SCAI: variants seen among roughly 807,000 people sequenced by gnomAD.
SCAI encodes the protein protein SCAI.
SCAI carries 24 observed loss-of-function variants against 92.2 expected under a neutral mutation model. That is an observed-to-expected ratio of 0.26 (90% confidence interval 0.19 to 0.37). The LOEUF is 0.37. SCAI is among the 10% of genes least tolerant of loss of function. The pLI is 1.00. For missense variants in SCAI, 450 were observed against 736.2 expected, an observed-to-expected ratio of 0.61 and a Z score of 4.50; for synonymous variants, 261 against 258.6, an observed-to-expected ratio of 1.01 and a Z score of -0.09.
chr9:125,057,679 A>C (rs2131139601), intron 2 of SCAI, among the ~76,000 whole-genome samples: 1 of 152,242 alleles, frequency 6.6e-6, no homozygotes, highest in South Asian at 2.1e-4. Context: ...AGTGTGGAGG[A>C]GGAGGAGGGC....
chr9:125,072,111 C>A (rs1455493177), intron 2 of SCAI, among the ~76,000 whole-genome samples: 2 of 151,756 alleles, frequency 1.3e-5, no homozygotes, highest in Non-Finnish European at 2.9e-5. Flanking sequence ...GCAACCTCTG[C>A]CTCCCAGGTT....
intron 2 of SCAI, among the ~76,000 whole-genome samples, chr9:125,108,337 G>A (rs1459521114): frequency 6.6e-6 from 1 of 151,222 alleles, no homozygotes; most frequent in African/African-American, 2.4e-5. Context: ...TGCCCAGTCT[G>A]GGAAGTGAGG....
chr9:124,967,957 T>C (rs777155498), intron 17 of SCAI, among the ~76,000 whole-genome samples: 13 of 152,172 alleles, frequency 8.5e-5, no homozygotes, highest in East Asian at 1.9e-4. Flanking sequence ...GAATGAAGAG[T>C]GAAGACAATT....
At chr9:125,064,399 A>G (rs75438856) in intron 2 of SCAI, among the ~76,000 whole-genome samples, 1,907 of 152,288 alleles carry the variant, frequency 0.013, 99 homozygotes, top group Admixed American at 0.082. Flanking sequence ...ATTAATACTA[A>G]TTCTCATACT....
intron 2 of SCAI, among the ~76,000 whole-genome samples, chr9:125,099,212 G>A (rs1216626078): frequency 2.0e-5 from 3 of 151,804 alleles, no homozygotes; most frequent in African/African-American, 7.3e-5. Flanking sequence ...AAATATATAT[G>A]CAGATACTTC....
chr9:124,978,250 G>A (rs1464407598), intron 14 of SCAI, among the ~76,000 whole-genome samples: 1 of 152,156 alleles, frequency 6.6e-6, no homozygotes, highest in African/African-American at 2.4e-5. Flanking sequence ...AGACCAGCCT[G>A]GCCAACATAA....
At chr9:125,009,617 T>C (rs1832588690) in intron 9 of SCAI, among the ~76,000 whole-genome samples, 1 of 152,014 alleles carries the variant, frequency 6.6e-6, no homozygotes, top group African/African-American at 2.4e-5. Context: ...AAGAGCATAG[T>C]GGCTCACACC....
intron 17 of SCAI, among the ~76,000 whole-genome samples, chr9:124,961,606 C>T (rs1035694925): frequency 2.0e-5 from 3 of 148,910 alleles, no homozygotes; most frequent in South Asian, 2.1e-4. Flanking sequence ...GCAGTGATCA[C>T]GCCATTGTAC....
intron 2 of SCAI, among the ~76,000 whole-genome samples, chr9:125,115,241 G>A (rs1588235884): frequency 6.6e-6 from 1 of 151,796 alleles, no homozygotes; most frequent in African/African-American, 2.4e-5. Flanking sequence ...GCGTGGTGGT[G>A]GGCACCTGTA....
Position 124,952,267 on chromosome 9 carries a change from G to A in SCAI, c.*540C>T, listed in dbSNP as rs1009232854. The A allele has an allele frequency of 6.6e-6, 1 of 152,126 alleles. No individual in the cohort carries two copies. The highest frequency in any genetic ancestry group is 2.4e-5 in the African/African-American group (1 of 41,444). The allele number at this position is 152,126 out of a possible 1,614,324, so 9.4% of individuals were successfully genotyped here. On this transcript the variant is annotated 3_prime_UTR_variant, in exon 18 of 18. Transcript: ENST00000336505. ...TTCTGAAATTATGACAGTATTGAAA[G>A]AAATTAAATGATTTCAAAAAACTGG...
chr9:125,030,188 C>T (rs1180359879), intron 3 of SCAI, among the ~76,000 whole-genome samples: 1 of 152,198 alleles, frequency 6.6e-6, no homozygotes, highest in African/African-American at 2.4e-5. Context: ...GATAAATATA[C>T]ATCCCTGTCC....
chr9:125,048,010 CT>C (rs1267685961), intron 3 of SCAI, among the ~76,000 whole-genome samples: 1 of 151,860 alleles, frequency 6.6e-6, no homozygotes, highest in Non-Finnish European at 1.5e-5. Context: ...TGGAATTTCA[CT>C]CTTGTTGCCC....
intron 2 of SCAI, among the ~76,000 whole-genome samples, chr9:125,113,587 T>C (rs1834972184): frequency 6.6e-6 from 1 of 151,680 alleles, no homozygotes; most frequent in African/African-American, 2.4e-5. Context: ...ATAATCATAA[T>C]GCATAAAATA....
intron 14 of SCAI, among the ~76,000 whole-genome samples, chr9:124,980,823 T>C (rs1487733842): frequency 6.6e-6 from 1 of 152,206 alleles, no homozygotes; most frequent in Non-Finnish European, 1.5e-5. Flanking sequence ...AGTACGACTA[T>C]ATGCCGAGTC....
intron 9 of SCAI, among the ~76,000 whole-genome samples, chr9:125,015,064 A>G (rs1273139920): frequency 1.3e-5 from 2 of 151,298 alleles, no homozygotes; most frequent in Non-Finnish European, 2.9e-5. Flanking sequence ...TGTTAGATCT[A>G]AAACCATAAA....
chr9:125,095,610 A>G (rs1834531481), intron 2 of SCAI, among the ~76,000 whole-genome samples: 1 of 152,246 alleles, frequency 6.6e-6, no homozygotes, highest in African/African-American at 2.4e-5. Context: ...AGGTATGGCC[A>G]TGGAACTAAA....
chr9:125,037,905 A>G (rs1170924549), intron 3 of SCAI, among the ~76,000 whole-genome samples: 2 of 152,096 alleles, frequency 1.3e-5, no homozygotes, highest in African/African-American at 4.8e-5. Flanking sequence ...GACGAGAGTG[A>G]AACTCCATCT....
Position 124,976,097 on chromosome 9 carries a change from G to A in SCAI, c.1399+17C>T, listed in dbSNP as rs746298814. 3 of 1,544,698 alleles carry A rather than the reference G, an allele frequency of 1.9e-6. No individual in the cohort carries two copies. The highest frequency in any genetic ancestry group is 2.7e-6 in the Non-Finnish European group (3 of 1,116,816). ...TATTTGCAACCTATGGCTATACCAG[G>A]CAATGAGGGTACATACCTTGTAAAG... On this transcript the variant is annotated intron_variant, in intron 15 of 17. Coordinates refer to ENST00000336505, the MANE Select transcript of SCAI (RefSeq NM_001144877.3).
intron 2 of SCAI, among the ~76,000 whole-genome samples, chr9:125,083,104 G>C (rs561776292): frequency 3.3e-5 from 5 of 152,260 alleles, no homozygotes; most frequent in Admixed American, 6.5e-5. Context: ...TGAATGAATG[G>C]GGGCAAGTCT....
Sources: gnomAD v4.1 joint callset for allele counts (sites outside exome capture counted in the v4.1 genomes callset) on GRCh38, gnomAD v4.1.1 for gene constraint, MANE v1.5 for transcripts, NCBI Gene and HGNC (gene_info 2026-07-23, HGNC 2026-07-21) for gene names.